The following CLSTN3 variants were observed in gnomAD, a reference collection of about 807,000 sequenced individuals.
CLSTN3 encodes calsyntenin-3.
Under a neutral mutation model 95.9 loss-of-function variants are expected in CLSTN3, and 36 were observed. That is an observed-to-expected ratio of 0.38 (90% CI 0.29 to 0.50). CLSTN3 has a LOEUF of 0.50. Ranked by LOEUF, CLSTN3 falls within the 20% of genes least tolerant of loss-of-function variation. The pLI, the probability that CLSTN3 is intolerant of heterozygous loss-of-function variation, is 0.95. For synonymous variants in CLSTN3, 481 were observed against 504.0 expected (o/e 0.95, Z 0.61); for missense variants, 1,084 against 1,268.8 (o/e 0.85, Z 2.21).
Position 7,149,038 on chromosome 12 carries a change from T to G in CLSTN3, c.1914T>G (p.Pro638=). 6.2e-7 allele frequency: 1 copy of G among 1,614,196 alleles called. No homozygotes were observed. Among genetic ancestry groups the G allele is most frequent in the Non-Finnish European group, 8.5e-7 (1 of 1,180,032 alleles). Residue 638 remains proline, a synonymous_variant, in exon 13 of 18, where the codon CCT becomes CCG. Transcript: ENST00000266546. This position sits in a 1 kb window ranked among gnomAD's most constrained non-coding sequence, Gnocchi z 4.5. ...EVEGYVVVLQ[P]DAPQILLSGT... is the part of the protein sequence containing the mutation. ...AGGGCTACGTGGTCGTCCTTCAGCC[T>G]GACGCCCCCCAGATCCTGCTGAGTG...
chr12:7,154,074 T>C (rs927962330), intron 16 of CLSTN3, among the ~76,000 whole-genome samples: 1 of 152,220 alleles, frequency 6.6e-6, no homozygotes, highest in East Asian at 1.9e-4. Context: ...TATTTTGACC[T>C]GAATAGGACA....
Position 7,135,395 on chromosome 12 carries a change from G to T in CLSTN3, c.452G>T (p.Arg151Leu). Residue 151 changes from arginine to leucine, a missense_variant, in exon 4 of 18, where the codon CGT becomes CTT. Arg to Leu is a moderately radical substitution (Grantham distance 102). Transcript: ENST00000266546. ...FAPVFVERLY[R>L]AAVTEGKLYD... Reference sequence around the variant, plus strand: ...CCAGTGTTTGTGGAACGGCTGTATCGTGCGGCTGTGACAGAGGGGAAGCTG... The same window carrying T: ...CCAGTGTTTGTGGAACGGCTGTATCTTGCGGCTGTGACAGAGGGGAAGCTG... 1 of 1,614,150 alleles carries T rather than the reference G, an allele frequency of 6.2e-7. No homozygotes were observed. Among genetic ancestry groups the T allele is most frequent in the African/African-American group, 1.3e-5 (1 of 75,004 alleles).
At chr12:7,136,790 T>C in intron 6 of CLSTN3, 39 bp from the exon 7 acceptor site, 1 of 1,604,990 alleles carries the variant, frequency 6.2e-7, no homozygotes, top group South Asian at 1.1e-5. Flanking sequence ...ATCTGCTGCT[T>C]CTTGGCTCTG....
In CLSTN3 at chr12:7,157,846, G is replaced by A. The variant is rs1591624480; in HGVS notation, c.2731-95G>A. 1 of 1,520,950 alleles carries A rather than the reference G, an allele frequency of 6.6e-7. No homozygotes were observed. The highest frequency in any genetic ancestry group is 2.2e-4 in the Middle Eastern group (1 of 4,604). 94.2% of individuals were successfully genotyped at this position (1,520,950 alleles called of 1,614,324 possible). A position where few individuals can be genotyped will look rare whatever the true frequency, so the allele number is the denominator to read the frequency against. ...TTCAGGCAGGGAAGGGGGTACACAG[G>A]GGTTAAGGGGACCGAGGGAAGTGTG... On this transcript the variant is annotated intron_variant, in intron 17 of 17. Coordinates refer to ENST00000266546, the MANE Select transcript of CLSTN3 (RefSeq NM_014718.4). This position sits in a 1 kb window ranked among gnomAD's most constrained non-coding sequence, Gnocchi z 5.9.
In CLSTN3 at chr12:7,157,900, C is replaced by T; in HGVS notation, c.2731-41C>T. 6.5e-7 allele frequency: 1 copy of T among 1,546,502 alleles called. No individual in the cohort carries two copies. Among genetic ancestry groups the T allele is most frequent in the Non-Finnish European group, 8.7e-7 (1 of 1,146,696 alleles). On this transcript the variant is annotated intron_variant, in intron 17 of 17. Coordinates refer to ENST00000266546, the MANE Select transcript of CLSTN3 (RefSeq NM_014718.4). This position sits in a 1 kb window ranked among gnomAD's most constrained non-coding sequence, Gnocchi z 5.9. The stretch of plus-strand genomic sequence containing the variant: ...CCTGAAAGAGAGGCTGGGATGTGTG[C>T]AGGCCATTGATCCCTTCTCCTCTCT...
chr12:7,149,368 ATGAAT>A lies in CLSTN3; in HGVS notation c.2075-152_2075-148del, dbSNP rs1939681838. Among the ~76,000 whole-genome samples, 2 of 152,186 alleles carry A rather than the reference ATGAAT, an allele frequency of 1.3e-5. No individual in the cohort carries two copies. Among genetic ancestry groups the A allele is most frequent in the South Asian group, 4.1e-4 (2 of 4,832 alleles). On this transcript the variant is annotated intron_variant, in intron 13 of 17. Transcript: ENST00000266546. This position sits in a 1 kb window ranked among gnomAD's most constrained non-coding sequence, Gnocchi z 4.5. Reference sequence around the variant, plus strand: ...GCAAGTGGAAAACACGTGGGTGGAAATGAATTGTTGCATAATGATATTCTTGAAAA... The same window carrying A: ...GCAAGTGGAAAACACGTGGGTGGAAATGTTGCATAATGATATTCTTGAAAA...
intron 1 of CLSTN3, chr12:7,131,454 G>A (rs1939299386): frequency 4.0e-6 from 1 of 249,816 alleles, no homozygotes. Context: ...GGAGAAGACC[G>A]GAGATGAGGC....
intron 1 of CLSTN3, chr12:7,131,403 TG>T: frequency 4.7e-6 from 1 of 210,936 alleles, no homozygotes; most frequent in South Asian, 6.6e-5. Flanking sequence ...GAAGTGGGTG[TG>T]TGGGGGGCGC....
intron 8 of CLSTN3, among the ~76,000 whole-genome samples, chr12:7,139,690 C>T (rs1939495239): frequency 6.6e-6 from 1 of 151,234 alleles, no homozygotes; most frequent in Admixed American, 6.6e-5. Flanking sequence ...CACTCTGTCA[C>T]TAGGCTGGAG....
rs764988030 is a variant in CLSTN3 at position 7,141,249 on chromosome 12, A to T, written c.1331A>T (p.Asp444Val). The change falls in exon 9 of 18, where the codon GAT becomes GTT. Residue 444 changes from aspartate to valine, a missense_variant. Coordinates refer to ENST00000266546, the MANE Select transcript of CLSTN3 (RefSeq NM_014718.4). This position sits in a 1 kb window ranked among gnomAD's most constrained non-coding sequence, Gnocchi z 4.1. Reference protein sequence around the residue: ...KFLWKLEQVCDDEWHHYALNL... With the variant: ...KFLWKLEQVCVDEWHHYALNL... ...CCTACCCTACTCTCCCAGGTCTGTGATGATGAGTGGCACCACTACGCTCTG... is the reference window on the plus strand; with the variant it reads ...CCTACCCTACTCTCCCAGGTCTGTGTTGATGAGTGGCACCACTACGCTCTG... 1.7e-5 allele frequency: 27 copies of T among 1,613,890 alleles called. No individual in the cohort carries two copies. In the Admixed American group the frequency reaches 3.2e-4, roughly 19 times the overall value.
At chr12:7,146,854 G>C (rs1435248191) in intron 12 of CLSTN3, among the ~76,000 whole-genome samples, 1 of 152,122 alleles carries the variant, frequency 6.6e-6, no homozygotes, top group Non-Finnish European at 1.5e-5. Context: ...GTGCCTTCAG[G>C]GTCATCTGGG....
chr12:7,132,909 G>T (rs776275258), intron 1 of CLSTN3, 115 bp from the exon 2 acceptor site: 22 of 1,412,228 alleles, frequency 1.6e-5, no homozygotes, highest in Admixed American at 3.7e-5. Flanking sequence ...GCTCCTATAG[G>T]GGGTGGAAAA....
chr12:7,156,834 C>G, intron 16 of CLSTN3: 1 of 455,730 alleles, frequency 2.2e-6, no homozygotes, highest in Non-Finnish European at 4.4e-6. Flanking sequence ...GCAGGTATGC[C>G]TCAGGGGGAG....
At chr12:7,148,865 G>A (rs760895892) in intron 12 of CLSTN3, 107 bp from the exon 13 acceptor site, 18 of 914,872 alleles carry the variant, frequency 2.0e-5, no homozygotes, top group African/African-American at 1.3e-4. Context: ...TTCCTGACAT[G>A]AGATGCTCTA....
In CLSTN3 at chr12:7,158,014, C is replaced by T. The variant is rs146012265; in HGVS notation, c.2804C>T (p.Ser935Leu). Reference sequence around the variant, plus strand: ...CAGGAGGATGAGGACAGCAGTGACTCGGAGGTGGCCGATTCCCCCAGCAGC... The same window carrying T: ...CAGGAGGATGAGGACAGCAGTGACTTGGAGGTGGCCGATTCCCCCAGCAGC... ...GQQEDEDSSD[S>L]EVADSPSSDE... The change falls in exon 18 of 18, where the codon TCG becomes TTG. Residue 935 changes from serine (S) to leucine (L), a missense_variant. Ser to Leu is a moderately radical substitution (Grantham distance 145, BLOSUM62 -2). Coordinates refer to ENST00000266546, the MANE Select transcript of CLSTN3 (RefSeq NM_014718.4). 2.5e-4 allele frequency: 385 copies of T among 1,550,828 alleles called. 2 individuals carry two copies. The African/African-American group carries it at 4.7e-3, about 19-fold the overall frequency.
At chr12:7,139,793 C>T (rs541810388) in intron 8 of CLSTN3, among the ~76,000 whole-genome samples, 9 of 152,066 alleles carry the variant, frequency 5.9e-5, no homozygotes, top group Non-Finnish European at 1.2e-4. Flanking sequence ...GGACTACAGG[C>T]GTGTGCCACC....
At chr12:7,136,080 C>G in intron 5 of CLSTN3, 126 bp from the exon 6 acceptor site, 1 of 1,487,304 alleles carries the variant, frequency 6.7e-7, no homozygotes, top group Non-Finnish European at 9.1e-7. Flanking sequence ...TTGCAGCTAT[C>G]TACTCTAGCC....
At position 7,143,181 on chromosome 12, in the gene CLSTN3, C is replaced by T; in HGVS notation, c.1717C>T (p.Gln573Ter). 1 of 1,613,768 alleles carries T rather than the reference C, an allele frequency of 6.2e-7. No individual in the cohort carries two copies. Among genetic ancestry groups the T allele is most frequent in the Non-Finnish European group, 8.5e-7 (1 of 1,179,792 alleles). The change falls in exon 12 of 18, where the codon CAG becomes TAG. Residue 573 changes from glutamine (Q) to a stop codon, truncating the protein, a stop_gained. Transcript: ENST00000266546. LOFTEE classifies it high-confidence loss of function. ...GGCCCAGGTCCACGTGAACCCCTCACAGTCCCTGCTCACCCTGGAGGGGGA... is the reference window on the plus strand; with the variant it reads ...GGCCCAGGTCCACGTGAACCCCTCATAGTCCCTGCTCACCCTGGAGGGGGA... ...KGMKVHVNPS[Q>*]SLLTLEGDDV...
chr12:7,130,372 T>A lies in CLSTN3; in HGVS notation c.-277T>A. 7.6e-7 allele frequency: 1 copy of A among 1,322,420 alleles called. No homozygotes were observed. Among genetic ancestry groups the A allele is most frequent in the East Asian group, 3.4e-5 (1 of 29,718 alleles). 81.9% of individuals were successfully genotyped at this position (1,322,420 alleles called of 1,614,324 possible). A position where few individuals can be genotyped will look rare whatever the true frequency, so the allele number is the denominator to read the frequency against. On this transcript the variant is annotated 5_prime_UTR_variant, in exon 1 of 18. Transcript: ENST00000266546. The stretch of plus-strand genomic sequence containing the variant: ...TCGTTGCCCGGCTGTGCTGACGTCA[T>A]CCTGCAGTAGCGGGGTTGGGGTGGG...
Sources: gnomAD v4.1 joint callset for allele counts (sites outside exome capture counted in the v4.1 genomes callset) on GRCh38, gnomAD v4.1.1 for gene constraint, Gnocchi (gnomAD v3.1) non-coding constraint, MANE v1.5 for transcripts, NCBI Gene and HGNC (gene_info 2026-07-23, HGNC 2026-07-21) for gene names.